The following ARMC8 variants were observed in gnomAD, a reference collection of about 807,000 sequenced individuals.
The protein encoded by ARMC8 is armadillo repeat-containing protein 8.
Under a neutral mutation model 99.3 loss-of-function variants are expected in ARMC8, and 20 were observed. The ratio of observed to expected loss-of-function variants is 0.20; its 90% CI spans 0.14 to 0.29. The LOEUF (loss-of-function observed/expected upper bound fraction) is 0.29, where lower values mean the gene tolerates loss of function less well. ARMC8 is among the 10% of genes least tolerant of loss of function. ARMC8 has a pLI of 1.00. For missense variants in ARMC8, 569 were observed against 809.5 expected, an observed-to-expected ratio of 0.70 and a Z score of 3.60; for synonymous variants, 263 against 278.3, an observed-to-expected ratio of 0.95 and a Z score of 0.55.
At chr3:138,288,700 C>T (rs528467876) in intron 19 of ARMC8, among the ~76,000 whole-genome samples, 4 of 148,910 alleles carry the variant, frequency 2.7e-5, no homozygotes, top group African/African-American at 9.9e-5. Flanking sequence ...TGCAATGGCA[C>T]GATCTCAGCT....
intron 12 of ARMC8, among the ~76,000 whole-genome samples, chr3:138,261,018 C>G (rs1156560701): frequency 6.6e-6 from 1 of 152,180 alleles, no homozygotes; most frequent in Non-Finnish European, 1.5e-5. Flanking sequence ...CTGCCTGAAA[C>G]TTTTGCCCTA....
intron 15 of ARMC8, among the ~76,000 whole-genome samples, 172 bp from the exon 16 acceptor site, chr3:138,269,868 T>C (rs762091667): frequency 5.3e-4 from 80 of 150,930 alleles, no homozygotes; most frequent in Non-Finnish European, 4.3e-4. Context: ...AAAATAATTG[T>C]CTTTGCCCTT....
chr3:138,206,371 C>T (rs76925396), intron 1 of ARMC8, among the ~76,000 whole-genome samples: 1 of 152,170 alleles, frequency 6.6e-6, no homozygotes, highest in Non-Finnish European at 1.5e-5. Context: ...CTGGACAGTG[C>T]AGCTCTTTAC....
intron 6 of ARMC8, among the ~76,000 whole-genome samples, chr3:138,231,788 GAA>G (rs140569493): frequency 5.5e-5 from 8 of 144,972 alleles, no homozygotes; most frequent in Non-Finnish European, 9.1e-5. Flanking sequence ...TCTGGGGGGG[GAA>G]AAAAAAAAGA....
chr3:138,283,681 G>A, intron 18 of ARMC8, among the ~76,000 whole-genome samples: 1 of 152,118 alleles, frequency 6.6e-6, no homozygotes, highest in East Asian at 1.9e-4. Flanking sequence ...TTTGCCTCCT[G>A]CTGGTCTGGC....
chr3:138,193,258 C>T lies in ARMC8; in HGVS notation c.45+5659C>T, dbSNP rs181361032. 7.3e-4 allele frequency among the ~76,000 whole-genome samples: 111 copies of T among 151,650 alleles called. 1 individual carries two copies. The highest frequency in any genetic ancestry group is 2.8e-3 in the Admixed American group (42 of 15,222). On this transcript the variant is annotated intron_variant, in intron 1 of 21. Coordinates refer to ENST00000469044, the MANE Select transcript of ARMC8 (RefSeq NM_001363941.2). ...TGCTGGGATTACAGGTGTGAGCCAC[C>T]GCGCCGGCTTATCTTATTTTTTGAG...
intron 1 of ARMC8, among the ~76,000 whole-genome samples, chr3:138,189,313 G>A (rs564713406): frequency 2.7e-5 from 4 of 150,532 alleles, no homozygotes; most frequent in Middle Eastern, 3.4e-3. Flanking sequence ...AAGGATTTCC[G>A]TAGTCCCAAA....
At chr3:138,195,635 A>T (rs2043687368) in intron 1 of ARMC8, among the ~76,000 whole-genome samples, 1 of 152,166 alleles carries the variant, frequency 6.6e-6, no homozygotes, top group African/African-American at 2.4e-5. Flanking sequence ...CTGATTTGGC[A>T]TTTGTTTTGC....
intron 10 of ARMC8, among the ~76,000 whole-genome samples, chr3:138,240,974 C>T (rs999360787): frequency 2.6e-5 from 4 of 151,996 alleles, no homozygotes; most frequent in African/African-American, 9.7e-5. Flanking sequence ...TGCTTGAATC[C>T]AGGAGGCAGA....
In ARMC8 at chr3:138,282,291, T is replaced by C. The variant is rs145883543; in HGVS notation, c.1726-2140T>C. Reference sequence around the variant, plus strand: ...CAGAACTAGAAGGAATGTGGTATTGTGAGTCTGGTGTTGCCACATTTGGAT... The same window carrying C: ...CAGAACTAGAAGGAATGTGGTATTGCGAGTCTGGTGTTGCCACATTTGGAT... On this transcript the variant is annotated intron_variant, in intron 18 of 21. Transcript: ENST00000469044. 7.1e-4 allele frequency among the ~76,000 whole-genome samples: 108 copies of C among 152,324 alleles called. 1 individual carries two copies. The highest frequency in any genetic ancestry group is 2.3e-3 in the African/African-American group (97 of 41,584).
intron 5 of ARMC8, 97 bp downstream of exon 5, chr3:138,223,830 T>TA: frequency 9.4e-7 from 1 of 1,064,914 alleles, no homozygotes; most frequent in Non-Finnish European, 1.4e-6. Context: ...CTGTGTTATG[T>TA]AAAAAAGTCT....
intron 1 of ARMC8, among the ~76,000 whole-genome samples, chr3:138,199,470 G>A (rs907960871): frequency 6.6e-6 from 1 of 152,174 alleles, no homozygotes; most frequent in Non-Finnish European, 1.5e-5. Context: ...TTTGTGGATA[G>A]TGTTATCCTT....
intron 1 of ARMC8, among the ~76,000 whole-genome samples, chr3:138,205,048 T>C (rs998817237): frequency 2.7e-5 from 4 of 147,858 alleles, no homozygotes; most frequent in East Asian, 2.0e-4. Flanking sequence ...TCAGTCTCTT[T>C]TCTTTTCTTT....
At chr3:138,256,336 G>C (rs1211963480) in intron 12 of ARMC8, among the ~76,000 whole-genome samples, 1 of 150,390 alleles carries the variant, frequency 6.6e-6, no homozygotes, top group Non-Finnish European at 1.5e-5. Flanking sequence ...CCCAACCAAA[G>C]CTGAATCATT....
chr3:138,196,059 A>G (rs1441732436), intron 1 of ARMC8, among the ~76,000 whole-genome samples: 1 of 152,206 alleles, frequency 6.6e-6, no homozygotes, highest in African/African-American at 2.4e-5. Context: ...GGAGGTCTTT[A>G]CCACCTGGAA....
intron 1 of ARMC8, among the ~76,000 whole-genome samples, chr3:138,191,230 C>T (rs748017593): frequency 3.1e-4 from 47 of 152,178 alleles, no homozygotes; most frequent in Non-Finnish European, 2.9e-5. Context: ...AACTCTCCAG[C>T]CCTGTTTCTA....
chr3:138,223,520 C>A lies in ARMC8; in HGVS notation c.326C>A (p.Ala109Asp). 1 of 1,614,144 alleles carries A rather than the reference C, an allele frequency of 6.2e-7. No homozygotes were observed. Among genetic ancestry groups the A allele is most frequent in the Non-Finnish European group, 8.5e-7 (1 of 1,180,014 alleles). The change falls in exon 4 of 22, where the codon GCC becomes GAC. Residue 109 changes from alanine (A) to aspartate (D), a missense_variant. Around this residue, in one of 2 missense-constraint regions of ARMC8, gnomAD observed 342 missense variants for 391.6 expected, o/e 0.87. Coordinates refer to ENST00000469044, the MANE Select transcript of ARMC8 (RefSeq NM_001363941.2). The stretch of plus-strand genomic sequence containing the variant: ...CTACTGGACTGCCATATTATCCCTG[C>A]CTTATTGCAAGGTATGTAGGGAAGC... ...KSLLDCHIIPALLQGLLSPDL... is the reference protein window; with the variant it reads ...KSLLDCHIIPDLLQGLLSPDL...
chr3:138,225,454 C>G (rs369803098), intron 5 of ARMC8, among the ~76,000 whole-genome samples: 1 of 152,194 alleles, frequency 6.6e-6, no homozygotes, highest in African/African-American at 2.4e-5. Flanking sequence ...TTGTAAATTA[C>G]AGTCACTTTA....
chr3:138,225,356 G>T (rs1247180439), intron 5 of ARMC8, among the ~76,000 whole-genome samples: 1 of 152,054 alleles, frequency 6.6e-6, no homozygotes, highest in South Asian at 2.1e-4. Flanking sequence ...TGATCTGCCC[G>T]CCTCGGCCTC....
Sources: allele counts gnomAD v4.1 joint callset (sites outside exome capture counted in the v4.1 genomes callset), GRCh38; gene constraint gnomAD v4.1.1; regional missense constraint gnomAD v4.1.1; transcripts MANE v1.5; gene names NCBI Gene and HGNC (gene_info 2026-07-23, HGNC 2026-07-21).